Variants in RBFOX3 observed in about 807,000 individuals in gnomAD.
RBFOX3 encodes RNA binding protein fox-1 homolog 3.
RBFOX3 carries 17 observed loss-of-function variants against 48.7 expected under a neutral mutation model. That is an observed-to-expected ratio of 0.35 (90% confidence interval 0.24 to 0.52). RBFOX3 has a LOEUF of 0.52. Ranked by LOEUF, RBFOX3 falls within the 20% of genes least tolerant of loss-of-function variation. The pLI, the probability that RBFOX3 is intolerant of heterozygous loss-of-function variation, is 0.94. For synonymous variants in RBFOX3, 212 were observed against 209.5 expected (o/e 1.01, Z -0.10); for missense variants, 382 against 497.5 (o/e 0.77, Z 2.21).
At chr17:79,440,990 G>A (rs782226849) in intron 2 of RBFOX3, among the ~76,000 whole-genome samples, 10 of 152,346 alleles carry the variant, frequency 6.6e-5, no homozygotes, top group Non-Finnish European at 1.2e-4. Context: ...GAAATGTCCC[G>A]CCAGAGCTGG....
intron 3 of RBFOX3, among the ~76,000 whole-genome samples, chr17:79,267,342 C>T (rs2066884848): frequency 1.3e-5 from 2 of 152,082 alleles, no homozygotes; most frequent in Non-Finnish European, 2.9e-5. Context: ...AAGTTCTGTC[C>T]AGTCCTGAAA....
chr17:79,226,227 A>G (rs2060297126), intron 4 of RBFOX3, among the ~76,000 whole-genome samples: 1 of 152,154 alleles, frequency 6.6e-6, no homozygotes, highest in Non-Finnish European at 1.5e-5. Flanking sequence ...AGGAGGTCCT[A>G]TATGGGAGGG....
Position 79,199,115 on chromosome 17 carries a change from T to C in RBFOX3, c.-34+36651A>G, listed in dbSNP as rs1567827839. On this transcript the variant is annotated intron_variant, in intron 4 of 14. Coordinates refer to ENST00000693108, the MANE Select transcript of RBFOX3 (RefSeq NM_001350451.2). This position sits in a 1 kb window ranked among gnomAD's most constrained non-coding sequence, Gnocchi z 5.1. ...AACAGTGGGAAGCAAGTGGGGGCTGTCTCCATGGAGTGAAAGCTGCCCAGC... is the reference window on the plus strand; with the variant it reads ...AACAGTGGGAAGCAAGTGGGGGCTGCCTCCATGGAGTGAAAGCTGCCCAGC... Among the ~76,000 whole-genome samples the C allele has an allele frequency of 6.6e-6, 1 of 152,052 alleles. No homozygotes were observed. Among genetic ancestry groups the C allele is most frequent in the Non-Finnish European group, 1.5e-5 (1 of 68,002 alleles).
At chr17:79,176,263 C>A (rs1284824210) in intron 4 of RBFOX3, among the ~76,000 whole-genome samples, 1 of 152,232 alleles carries the variant, frequency 6.6e-6, no homozygotes, top group Non-Finnish European at 1.5e-5. Context: ...AGGTCTGGGC[C>A]CAGCAGAGAC....
chr17:79,617,272 G>T, the RBFOX3 span, among the ~76,000 whole-genome samples: 2 of 151,960 alleles, frequency 1.3e-5, no homozygotes, highest in East Asian at 3.9e-4. Context: ...CTCTGGGGAT[G>T]GGGGGGTCTT....
chr17:79,490,720 T>G lies in RBFOX3; in HGVS notation c.-319-8122A>C, dbSNP rs998965448. Among the ~76,000 whole-genome samples, 12 of 144,352 alleles carry G rather than the reference T, an allele frequency of 8.3e-5. No individual in the cohort carries two copies. The South Asian group carries it at 2.1e-3, about 25-fold the overall frequency. 94.7% of individuals were successfully genotyped at this position (144,352 alleles called of 152,430 possible). On this transcript the variant is annotated intron_variant, in intron 1 of 14. Coordinates refer to ENST00000693108, the MANE Select transcript of RBFOX3 (RefSeq NM_001350451.2). ...GGCACCTGTTGAGGGGCCTGCAGTG[T>G]AGAGAGAGAGAGAGAGAGAGAGAGA...
intron 1 of RBFOX3, among the ~76,000 whole-genome samples, chr17:79,594,549 G>T (rs1056226658): frequency 6.6e-6 from 1 of 152,184 alleles, no homozygotes. Flanking sequence ...CGGCCCCTGC[G>T]CAGGGAGGAC....
chr17:79,175,005 C>T (rs551163375), intron 4 of RBFOX3, among the ~76,000 whole-genome samples: 11 of 152,218 alleles, frequency 7.2e-5, no homozygotes, highest in Non-Finnish European at 1.6e-4. Flanking sequence ...CCGAGGCCCC[C>T]GTGCCAACCC....
At chr17:79,611,130 T>TTCTCTCTCTCTCTCCCTC (rs2093961175), upstream of RBFOX3, among the ~76,000 whole-genome samples, 1 of 37,846 alleles carries the variant, frequency 2.6e-5, no homozygotes, top group African/African-American at 2.6e-4. Context: ...TCCGCCCTCC[T>TTCTCTCTCTCTCTCCCTC]TCTCTCTCTC....
At chr17:79,570,592 G>C (rs994118440) in intron 1 of RBFOX3, among the ~76,000 whole-genome samples, 12 of 152,198 alleles carry the variant, frequency 7.9e-5, no homozygotes, top group Admixed American at 7.9e-4. Context: ...GTCTGTATCT[G>C]AGTAATGTTT....
In RBFOX3 at chr17:79,270,339, T is replaced by C. The variant is rs146521102; in HGVS notation, c.-73-34534A>G. On this transcript the variant is annotated intron_variant, in intron 3 of 14. Transcript: ENST00000693108. Reference sequence around the variant, plus strand: ...AGGTGTACTGACCTGTCCACTGGGGTCCCTCAGATACCCAAACCTCTAAGG... The same window carrying C: ...AGGTGTACTGACCTGTCCACTGGGGCCCCTCAGATACCCAAACCTCTAAGG... Among the ~76,000 whole-genome samples, 64 of 152,114 alleles carry C rather than the reference T, an allele frequency of 4.2e-4. No individual in the cohort carries two copies. The East Asian group carries it at 0.011, about 26-fold the overall frequency.
intron 1 of RBFOX3, among the ~76,000 whole-genome samples, chr17:79,565,623 G>A (rs1189236292): frequency 2.0e-5 from 3 of 152,146 alleles, no homozygotes; most frequent in Admixed American, 1.3e-4. Context: ...TTACAGGTGT[G>A]AGCCATCATG....
At chr17:79,173,039 T>C (rs558212858) in intron 4 of RBFOX3, among the ~76,000 whole-genome samples, 283 of 152,186 alleles carry the variant, frequency 1.9e-3, no homozygotes, top group Middle Eastern at 6.8e-3. Context: ...TGAAACCCCA[T>C]CTCTACTAAA....
chr17:79,661,604 C>T, the RBFOX3 span, among the ~76,000 whole-genome samples: 10 of 152,200 alleles, frequency 6.6e-5, no homozygotes, highest in Non-Finnish European at 1.0e-4. Flanking sequence ...GCATTTCTGG[C>T]AGGTGATATC....
At chr17:79,454,769 C>T (rs556941264) in intron 2 of RBFOX3, among the ~76,000 whole-genome samples, 1 of 152,310 alleles carries the variant, frequency 6.6e-6, no homozygotes, top group Admixed American at 6.5e-5. Context: ...CAGAAGCAGC[C>T]CTATCCACAC....
intron 3 of RBFOX3, among the ~76,000 whole-genome samples, chr17:79,256,248 C>T (rs2064827957): frequency 6.6e-6 from 1 of 152,060 alleles, no homozygotes; most frequent in African/African-American, 2.4e-5. Context: ...GTCTCTGGGG[C>T]TTCTATTCCC....
At chr17:79,472,547 G>A (rs1287614884) in intron 2 of RBFOX3, among the ~76,000 whole-genome samples, 2 of 152,204 alleles carry the variant, frequency 1.3e-5, no homozygotes, top group African/African-American at 4.8e-5. Flanking sequence ...GACATAAGGA[G>A]AAGATGACCA....
intron 3 of RBFOX3, among the ~76,000 whole-genome samples, chr17:79,294,761 A>G (rs2074050337): frequency 6.6e-6 from 1 of 152,182 alleles, no homozygotes; most frequent in South Asian, 2.1e-4. Context: ...GCTCTGCCCC[A>G]TGCCTCACGG....
the RBFOX3 span, among the ~76,000 whole-genome samples, chr17:79,656,895 G>GGGAAGGAAGGAA: frequency 2.2e-3 from 251 of 116,414 alleles, 10 homozygotes; most frequent in African/African-American, 6.8e-3. Context: ...GAAGGAAGGA[G>GGGAAGGAAGGAA]GGAAGGAAGG....
Sources: gnomAD v4.1 joint callset for allele counts (sites outside exome capture counted in the v4.1 genomes callset) on GRCh38, gnomAD v4.1.1 for gene constraint, Gnocchi (gnomAD v3.1) non-coding constraint, MANE v1.5 for transcripts, NCBI Gene and HGNC (gene_info 2026-07-23, HGNC 2026-07-21) for gene names.